The following FSHR variants were observed in gnomAD, a reference collection of about 807,000 sequenced individuals.
FSHR encodes the protein follicle stimulating hormone receptor, also known as follicle-stimulating hormone receptor.
A neutral mutation model predicts 52.1 loss-of-function variants in FSHR; 46 were observed. That is an observed-to-expected ratio of 0.88 (90% CI 0.70 to 1.13). The LOEUF (loss-of-function observed/expected upper bound fraction) is 1.13. FSHR is among the 50% of genes most tolerant of loss of function. The pLI is 0.00. For missense variants in FSHR, 964 were observed against 834.6 expected, an observed-to-expected ratio of 1.16 and a Z score of -1.91; for synonymous variants, 399 against 309.6, an observed-to-expected ratio of 1.29 and a Z score of -3.03.
At chr2:49,002,588 C>A (rs886365055) in intron 4 of FSHR, among the ~76,000 whole-genome samples, 3 of 151,980 alleles carry the variant, frequency 2.0e-5, no homozygotes, top group Non-Finnish European at 4.4e-5. Flanking sequence ...GGGGAAAAGC[C>A]CGTTATAATA....
rs1365215102 is a variant in FSHR at position 49,017,515 on chromosome 2, G to A, written c.348C>T (p.Phe116=). ...GATATTGAAGGTTGGGAAGGTTCTG[G>A]AAGGCCTCAGGGTTGATGTAGAGCA... is the stretch of plus-strand genomic sequence containing the variant. ...NNLLYINPEA[F]QNLPNLQYLL... Residue 116 remains phenylalanine, a synonymous_variant, in exon 4 of 10, where the codon TTC becomes TTT. Coordinates refer to ENST00000406846, the MANE Select transcript of FSHR (RefSeq NM_000145.4). 1.2e-6 allele frequency: 2 copies of A among 1,613,382 alleles called. No individual in the cohort carries two copies. The highest frequency in any genetic ancestry group is 1.7e-6 in the Non-Finnish European group (2 of 1,179,642).
chr2:49,133,428 C>T (rs1672367540), intron 1 of FSHR, among the ~76,000 whole-genome samples: 1 of 152,152 alleles, frequency 6.6e-6, no homozygotes, highest in African/African-American at 2.4e-5. Context: ...AGGACACAAA[C>T]AAATGGAAGA....
chr2:49,096,329 A>G (rs574604926), intron 1 of FSHR, among the ~76,000 whole-genome samples: 2 of 152,336 alleles, frequency 1.3e-5, no homozygotes, highest in African/African-American at 4.8e-5. Context: ...AAACTTGAAG[A>G]CATTATGCTA....
At chr2:49,067,256 C>T (rs1463581203) in intron 2 of FSHR, among the ~76,000 whole-genome samples, 7 of 152,066 alleles carry the variant, frequency 4.6e-5, no homozygotes, top group Non-Finnish European at 1.0e-4. Context: ...GGCTTAATTG[C>T]TGGAACATAA....
chr2:48,999,538 A>C lies in FSHR; in HGVS notation c.375-8901T>G, dbSNP rs189586849. Among the ~76,000 whole-genome samples, 245 of 152,202 alleles carry C rather than the reference A, an allele frequency of 1.6e-3. 1 individual carries two copies. The highest frequency in any genetic ancestry group is 5.6e-3 in the African/African-American group (232 of 41,554). On this transcript the variant is annotated intron_variant, in intron 4 of 9. Coordinates refer to ENST00000406846, the MANE Select transcript of FSHR (RefSeq NM_000145.4). ...TTATCTCTGCAACCATAGAATTACTATGTCCAAGTAACTGTATGGAGGGTT... is the reference window on the plus strand; with the variant it reads ...TTATCTCTGCAACCATAGAATTACTCTGTCCAAGTAACTGTATGGAGGGTT...
chr2:49,108,645 T>C (rs1671320318), intron 1 of FSHR, among the ~76,000 whole-genome samples: 1 of 152,048 alleles, frequency 6.6e-6, no homozygotes, highest in Non-Finnish European at 1.5e-5. Context: ...TTTTCAAAAA[T>C]GGAAGCAAAG....
intron 2 of FSHR, among the ~76,000 whole-genome samples, chr2:49,046,921 A>G (rs1668682163): frequency 6.6e-6 from 1 of 152,226 alleles, no homozygotes; most frequent in Admixed American, 6.5e-5. Context: ...ACAGACATAC[A>G]GGGACTGATG....
At chr2:49,013,522 A>G (rs1032925225) in intron 4 of FSHR, among the ~76,000 whole-genome samples, 1 of 144,358 alleles carries the variant, frequency 6.9e-6, no homozygotes, top group African/African-American at 2.5e-5. Context: ...ATATAAATAT[A>G]TATAAAAATA....
intron 2 of FSHR, among the ~76,000 whole-genome samples, chr2:49,043,060 C>T (rs1457483222): frequency 3.9e-5 from 6 of 152,218 alleles, no homozygotes; most frequent in Admixed American, 3.9e-4. Flanking sequence ...AGCCATCATT[C>T]ACTTGACTTC....
chr2:49,111,715 G>A (rs545852158), intron 1 of FSHR, among the ~76,000 whole-genome samples: 5 of 152,152 alleles, frequency 3.3e-5, no homozygotes, highest in Non-Finnish European at 7.4e-5. Context: ...TCCTCAGCAA[G>A]TGTCTATTAT....
At chr2:49,085,655 A>G (rs566097793) in intron 1 of FSHR, among the ~76,000 whole-genome samples, 1 of 152,318 alleles carries the variant, frequency 6.6e-6, no homozygotes, top group African/African-American at 2.4e-5. Flanking sequence ...CTATAAAGAC[A>G]CATGCACACG....
chr2:49,120,373 A>C (rs372140031), intron 1 of FSHR, among the ~76,000 whole-genome samples: 52 of 152,324 alleles, frequency 3.4e-4, no homozygotes, highest in African/African-American at 1.2e-3. Context: ...TTATAAATCA[A>C]AATTTGAGGA....
Position 49,038,659 on chromosome 2 carries a change from T to A in FSHR, c.225-18499A>T, listed in dbSNP as rs1408413013. On this transcript the variant is annotated intron_variant, in intron 2 of 9. Coordinates refer to ENST00000406846, the MANE Select transcript of FSHR (RefSeq NM_000145.4). ...ATAATAATAATAATAATAATAATAA[T>A]AATAATAATAATACTGGTTTAGGGG... 3.1e-4 allele frequency among the ~76,000 whole-genome samples: 45 copies of A among 144,868 alleles called. 2 individuals are homozygous for A. In the East Asian group the frequency reaches 3.2e-3, roughly 10 times the overall value.
intron 4 of FSHR, among the ~76,000 whole-genome samples, chr2:48,991,564 G>T (rs1417892052): frequency 6.6e-6 from 1 of 152,132 alleles, no homozygotes; most frequent in Non-Finnish European, 1.5e-5. Context: ...GTGAGTTCCT[G>T]ATGGGCATCT....
Position 48,982,955 on chromosome 2 carries a change from A to C in FSHR, c.625T>G (p.Leu209Val), listed in dbSNP as rs746931420. Reference protein sequence around the residue: ...NLSDNNNLEELPNDVFHGASG... With the variant: ...NLSDNNNLEEVPNDVFHGASG... ...GCTCCGTGGAAAACATCATTAGGCA[A>C]TTCTTCTAAATTATTATTATCGCTT... The change falls in exon 8 of 10, where the codon TTG becomes GTG. Residue 209 changes from leucine (L) to valine (V), a missense_variant. Physicochemically the swap from Leu to Val is conservative, Grantham distance 32. Transcript: ENST00000406846. 5.6e-6 allele frequency: 9 copies of C among 1,614,034 alleles called. No homozygotes were observed. Among genetic ancestry groups the C allele is most frequent in the Non-Finnish European group, 7.6e-6 (9 of 1,179,994 alleles).
chr2:49,084,172 GA>G (rs1264191891), intron 1 of FSHR, among the ~76,000 whole-genome samples: 2 of 152,108 alleles, frequency 1.3e-5, no homozygotes, highest in Admixed American at 6.6e-5. Context: ...AATCAAACTA[GA>G]ACTCAGCATT....
At chr2:49,006,923 T>C (rs562964219) in intron 4 of FSHR, among the ~76,000 whole-genome samples, 7 of 152,256 alleles carry the variant, frequency 4.6e-5, no homozygotes, top group African/African-American at 1.7e-4. Context: ...TTATCCAACA[T>C]TGTTTGACAG....
intron 1 of FSHR, among the ~76,000 whole-genome samples, chr2:49,139,808 C>G (rs1672613497): frequency 6.6e-6 from 1 of 151,972 alleles, no homozygotes; most frequent in Non-Finnish European, 1.5e-5. Context: ...CCATGTTAGC[C>G]AGGGTGGTCT....
At chr2:49,021,886 T>TATATATATATATATATAAAGAG (rs1273265515) in intron 2 of FSHR, among the ~76,000 whole-genome samples, 2 of 25,124 alleles carry the variant, frequency 8.0e-5, no homozygotes, top group African/African-American at 2.9e-4. Context: ...TATATATATA[T>TATATATATATATATATAAAGAG]AGAGAGAGAG....
Sources: gnomAD v4.1 joint callset for allele counts (sites outside exome capture counted in the v4.1 genomes callset) on GRCh38, gnomAD v4.1.1 for gene constraint, MANE v1.5 for transcripts, NCBI Gene and HGNC (gene_info 2026-07-23, HGNC 2026-07-21) for gene names.